The following PCDHA11 variants were observed in gnomAD, a reference collection of about 807,000 sequenced individuals.
The protein encoded by PCDHA11 is protocadherin alpha 11.
In PCDHA11, 61 loss-of-function variants were observed where a neutral mutation model predicts 70.3. The observed-to-expected ratio is 0.87, with a 90% CI of 0.71 to 1.07. The LOEUF (loss-of-function observed/expected upper bound fraction) is 1.07, where lower values mean the gene tolerates loss of function less well. Ranked by LOEUF, PCDHA11 falls within the 50% of genes least tolerant of loss-of-function variation. The pLI, the probability that PCDHA11 is intolerant of heterozygous loss-of-function variation, is 0.00. For synonymous variants in PCDHA11, 633 were observed against 555.1 expected, an observed-to-expected ratio of 1.14 and a Z score of -1.97; for missense variants, 1,324 against 1,237.5, an observed-to-expected ratio of 1.07 and a Z score of -1.05.
At chr5:140,983,299 A>T (rs1554245269) in intron 3 of PCDHA11, among the ~76,000 whole-genome samples, 1 of 152,186 alleles carries the variant, frequency 6.6e-6, no homozygotes. Flanking sequence ...GCTTAAACTC[A>T]CATTTGCTTG....
intron 1 of PCDHA11, among the ~76,000 whole-genome samples, chr5:140,922,848 C>T (rs1345344826): frequency 2.6e-5 from 4 of 151,962 alleles, no homozygotes; most frequent in African/African-American, 9.7e-5. Flanking sequence ...TCAAAGAGAC[C>T]AAATACATAG....
At chr5:140,950,778 G>C (rs537312607) in intron 1 of PCDHA11, among the ~76,000 whole-genome samples, 3 of 152,030 alleles carry the variant, frequency 2.0e-5, no homozygotes, top group Admixed American at 1.3e-4. Flanking sequence ...CATACATATG[G>C]TACTTTTTAA....
chr5:140,961,970 G>A (rs1282918892), intron 1 of PCDHA11, among the ~76,000 whole-genome samples: 1 of 150,888 alleles, frequency 6.6e-6, no homozygotes, highest in Non-Finnish European at 1.5e-5. Flanking sequence ...TGCAACCTCC[G>A]CCTCCTGGGT....
chr5:140,993,203 A>T (rs1563587510), intron 3 of PCDHA11, among the ~76,000 whole-genome samples: 2 of 152,090 alleles, frequency 1.3e-5, no homozygotes, highest in African/African-American at 4.8e-5. Context: ...ACTAAAGCTA[A>T]TTTTTTTAGC....
Position 140,918,963 on chromosome 5 carries a change from A to C in PCDHA11, c.2391+47469A>C, listed in dbSNP as rs74470631. ...TAATATCCTGAACAGACTAAGACAGATATCGTTTAGGTTAGTTGGTTTTTA... is the reference window on the plus strand; with the variant it reads ...TAATATCCTGAACAGACTAAGACAGCTATCGTTTAGGTTAGTTGGTTTTTA... On this transcript the variant is annotated intron_variant, in intron 1 of 3. Transcript: ENST00000398640. Among the ~76,000 whole-genome samples the C allele has an allele frequency of 4.6e-3, 702 of 152,330 alleles. 2 individuals are homozygous for C. Among genetic ancestry groups the C allele is most frequent in the African/African-American group, 0.016 (679 of 41,576 alleles).
intron 1 of PCDHA11, among the ~76,000 whole-genome samples, chr5:140,923,305 G>T (rs552769255): frequency 2.6e-5 from 4 of 152,186 alleles, no homozygotes; most frequent in Non-Finnish European, 5.9e-5. Context: ...GGGCGTGGGG[G>T]CGCTTGGCCT....
intron 1 of PCDHA11, among the ~76,000 whole-genome samples, chr5:140,894,264 G>A (rs1231047220): frequency 1.3e-5 from 2 of 151,820 alleles, no homozygotes; most frequent in African/African-American, 4.8e-5. Flanking sequence ...ACAAGTGGTA[G>A]CTTATTTACA....
At chr5:140,976,697 T>C (rs2096727777) in intron 1 of PCDHA11, among the ~76,000 whole-genome samples, 1 of 152,224 alleles carries the variant, frequency 6.6e-6, no homozygotes, top group Non-Finnish European at 1.5e-5. Context: ...AGTACAATAA[T>C]GTTGACTTTG....
intron 3 of PCDHA11, among the ~76,000 whole-genome samples, chr5:140,998,872 T>C (rs1159101161): frequency 6.6e-6 from 1 of 152,202 alleles, no homozygotes; most frequent in African/African-American, 2.4e-5. Flanking sequence ...TTGTAAATAA[T>C]AAGTTTAGTT....
intron 1 of PCDHA11, among the ~76,000 whole-genome samples, chr5:140,943,236 TCA>T (rs1454947972): frequency 5.6e-5 from 7 of 124,930 alleles, no homozygotes; most frequent in African/African-American, 1.9e-4. Flanking sequence ...CCAGCCTGGG[TCA>T]CAGAGTGAGA....
At chr5:140,929,400 A>G (rs915139377) in intron 1 of PCDHA11, 5 of 1,509,110 alleles carry the variant, frequency 3.3e-6, no homozygotes, top group African/African-American at 2.8e-5. Flanking sequence ...TATTTCTTAG[A>G]CAAGCCTTTC....
At chr5:140,932,312 T>C (rs2088188856) in intron 1 of PCDHA11, among the ~76,000 whole-genome samples, 1 of 151,922 alleles carries the variant, frequency 6.6e-6, no homozygotes, top group Admixed American at 6.6e-5. Context: ...GGTATAAATA[T>C]ATTAATGTAG....
chr5:140,871,488 C>G lies in PCDHA11; in HGVS notation c.2385C>G (p.Pro795=), dbSNP rs370808040. 8.8e-6 allele frequency: 14 copies of G among 1,591,168 alleles called. No homozygotes were observed. Among genetic ancestry groups the G allele is most frequent in the African/African-American group, 1.3e-5 (1 of 74,512 alleles). The change falls in exon 1 of 4, where the codon CCC becomes CCG. Residue 795 remains proline (P), a synonymous_variant. Coordinates refer to ENST00000398640, the MANE Select transcript of PCDHA11 (RefSeq NM_018902.5). ...GACAGGAGCCAGGGTCAAATCACCC[C>G]GGACAGGTGAGTTTTCTACAGATTC... ...GERQEPGSNH[P]GQPRQPNPDW...
chr5:140,875,637 G>T, intron 1 of PCDHA11: 1 of 1,613,638 alleles, frequency 6.2e-7, no homozygotes, highest in Non-Finnish European at 8.5e-7. Flanking sequence ...TGGGGCTGGA[G>T]CTGGCGGAGC....
chr5:140,920,972 T>C (rs246075), intron 1 of PCDHA11, among the ~76,000 whole-genome samples: 86,063 of 151,854 alleles, frequency 0.57, 25,081 homozygotes, highest in African/African-American at 0.71. Flanking sequence ...TACTAGAGTA[T>C]AATATTGTAT....
At chr5:140,929,503 G>A in intron 1 of PCDHA11, 1 of 886,378 alleles carries the variant, frequency 1.1e-6, no homozygotes, top group Non-Finnish European at 1.6e-6. Context: ...ATTGCCCTAG[G>A]CCTCAAGGGA....
intron 3 of PCDHA11, among the ~76,000 whole-genome samples, chr5:140,986,619 C>T (rs1212565136): frequency 6.6e-6 from 1 of 152,134 alleles, no homozygotes; most frequent in Non-Finnish European, 1.5e-5. Flanking sequence ...CAGGCCTTAC[C>T]TAAGGCAACA....
intron 1 of PCDHA11, among the ~76,000 whole-genome samples, chr5:140,955,368 G>C (rs1554221882): frequency 6.6e-6 from 1 of 152,122 alleles, no homozygotes; most frequent in Admixed American, 6.5e-5. Flanking sequence ...CCCAGTGGGA[G>C]GTAATTGAAT....
intron 3 of PCDHA11, among the ~76,000 whole-genome samples, chr5:140,986,303 A>G (rs2097193977): frequency 6.6e-6 from 1 of 152,166 alleles, no homozygotes; most frequent in South Asian, 2.1e-4. Context: ...CAGAGAGAGA[A>G]AATTAGCTAA....
Sources: gnomAD v4.1 joint callset for allele counts (sites outside exome capture counted in the v4.1 genomes callset) on GRCh38, gnomAD v4.1.1 for gene constraint, MANE v1.5 for transcripts, NCBI Gene and HGNC (gene_info 2026-07-23, HGNC 2026-07-21) for gene names.